Variants in H2AZ2 observed in about 807,000 individuals in gnomAD.
The protein encoded by H2AZ2 is histone H2A.V.
Under a neutral mutation model 15.5 loss-of-function variants are expected in H2AZ2, and 5 were observed. The ratio of observed to expected loss-of-function variants is 0.32; its 90% confidence interval spans 0.17 to 0.68. The LOEUF (loss-of-function observed/expected upper bound fraction) is 0.68, where lower values mean the gene tolerates loss of function less well. Ranked by LOEUF, H2AZ2 falls within the 30% of genes least tolerant of loss-of-function variation. The pLI, the probability that H2AZ2 is intolerant of heterozygous loss-of-function variation, is 0.72. For synonymous variants in H2AZ2, 44 were observed against 57.4 expected, an observed-to-expected ratio of 0.77 and a Z score of 1.05; for missense variants, 42 against 162.5, an observed-to-expected ratio of 0.26 and a Z score of 4.03.
In H2AZ2 at chr7:44,832,592, A is replaced by G. The variant is rs1318406080; in HGVS notation, c.*1909T>C. 6.6e-6 allele frequency among the ~76,000 whole-genome samples: 1 copy of G among 152,190 alleles called. No individual in the cohort carries two copies. Among genetic ancestry groups the G allele is most frequent in the East Asian group, 1.9e-4 (1 of 5,202 alleles). On this transcript the variant is annotated 3_prime_UTR_variant, in exon 5 of 5. Coordinates refer to ENST00000308153, the MANE Select transcript of H2AZ2 (RefSeq NM_012412.5). The stretch of plus-strand genomic sequence containing the variant: ...ATTTTAAAATTTCCTTCTTTAATGA[A>G]GACTTGCAAGCAGAAAAATATAATT...
At chr7:44,847,491 A>G (rs528110190) in intron 1 of H2AZ2, among the ~76,000 whole-genome samples, 38 of 152,346 alleles carry the variant, frequency 2.5e-4, no homozygotes, top group Non-Finnish European at 5.3e-4. Flanking sequence ...TTTGTCGCTC[A>G]AAAGACCACA....
chr7:44,830,260 T>G, downstream of H2AZ2: 1 of 1,193,264 alleles, frequency 8.4e-7, no homozygotes, highest in Non-Finnish European at 1.2e-6. Context: ...AAAATACAAG[T>G]AAAATGTTAA....
intron 3 of H2AZ2, among the ~76,000 whole-genome samples, chr7:44,836,813 G>A (rs550131910): frequency 9.9e-5 from 15 of 151,918 alleles, no homozygotes; most frequent in Middle Eastern, 3.4e-3. Flanking sequence ...TGGCTAACAC[G>A]GTGAAACCCT....
At chr7:44,846,062 C>CACACACACACACACAGAGAGAG (rs57468916) in intron 1 of H2AZ2, among the ~76,000 whole-genome samples, 26 of 75,146 alleles carry the variant, frequency 3.5e-4, no homozygotes, top group Admixed American at 2.8e-3. Flanking sequence ...CACACACACA[C>CACACACACACACACAGAGAGAG]AGAGAGAGAC....
downstream of H2AZ2, among the ~76,000 whole-genome samples, chr7:44,831,914 A>G (rs1341645396): frequency 6.6e-6 from 1 of 152,220 alleles, no homozygotes; most frequent in Non-Finnish European, 1.5e-5. Context: ...ATGATGTGAT[A>G]CAACATGGAG....
chr7:44,835,516 T>C lies in H2AZ2; in HGVS notation c.325+13A>G. On this transcript the variant is annotated intron_variant, in intron 4 of 4. Coordinates refer to ENST00000308153, the MANE Select transcript of H2AZ2 (RefSeq NM_012412.5). ...AGACCAATAAGAATCAAGGCTTAAG[T>C]AGTAATACATACCACCCCCAGCTAT... The C allele has an allele frequency of 6.2e-7, 1 of 1,612,138 alleles. No individual in the cohort carries two copies. The highest frequency in any genetic ancestry group is 8.5e-7 in the Non-Finnish European group (1 of 1,178,796).
At chr7:44,843,828 G>T (rs944221291) in intron 1 of H2AZ2, among the ~76,000 whole-genome samples, 2 of 152,130 alleles carry the variant, frequency 1.3e-5, no homozygotes, top group African/African-American at 2.4e-5. Flanking sequence ...AAAGTGCTGG[G>T]ATTACAGGCA....
At chr7:44,843,433 T>C in intron 1 of H2AZ2, 79 bp from the exon 2 acceptor site, 1 of 1,004,708 alleles carries the variant, frequency 1.0e-6, no homozygotes, top group Non-Finnish European at 1.5e-6. Context: ...CAGAATTTTT[T>C]CTAGTTTTAC....
At chr7:44,839,351 T>C (rs1362095293) in intron 3 of H2AZ2, among the ~76,000 whole-genome samples, 4 of 152,084 alleles carry the variant, frequency 2.6e-5, no homozygotes, top group Non-Finnish European at 5.9e-5. Context: ...GAAACCAGCC[T>C]GGGTAACATA....
At chr7:44,841,034 G>T (rs1243385720) in intron 2 of H2AZ2, 22 bp from the exon 3 acceptor site, 3 of 1,532,230 alleles carry the variant, frequency 2.0e-6, no homozygotes, top group Non-Finnish European at 2.7e-6. Flanking sequence ...ATGTCTTAGT[G>T]GGAAGCACTG....
At chr7:44,845,198 A>T (rs910777683) in intron 1 of H2AZ2, among the ~76,000 whole-genome samples, 1 of 152,138 alleles carries the variant, frequency 6.6e-6, no homozygotes, top group Non-Finnish European at 1.5e-5. Flanking sequence ...CCAAGATAAT[A>T]TGGAAGAAAA....
At chr7:44,846,330 A>G (rs886886523) in intron 1 of H2AZ2, among the ~76,000 whole-genome samples, 1 of 152,210 alleles carries the variant, frequency 6.6e-6, no homozygotes, top group Non-Finnish European at 1.5e-5. Flanking sequence ...CTGAAAAACT[A>G]GAATTGGCCG....
intron 2 of H2AZ2, among the ~76,000 whole-genome samples, chr7:44,841,723 C>T (rs1793280318): frequency 6.6e-6 from 1 of 152,206 alleles, no homozygotes; most frequent in South Asian, 2.1e-4. Context: ...TCCACCTTAG[C>T]CTCCCAAAGT....
At chr7:44,831,380 A>C (rs1792996763), downstream of H2AZ2, among the ~76,000 whole-genome samples, 1 of 152,156 alleles carries the variant, frequency 6.6e-6, no homozygotes, top group Non-Finnish European at 1.5e-5. Context: ...AAACAAATTG[A>C]AAATACAACC....
chr7:44,838,572 G>C (rs371584147), intron 3 of H2AZ2, among the ~76,000 whole-genome samples: 1 of 152,102 alleles, frequency 6.6e-6, no homozygotes, highest in Admixed American at 6.5e-5. Flanking sequence ...AGAATTACTG[G>C]AACCCAGAAG....
intron 2 of H2AZ2, among the ~76,000 whole-genome samples, chr7:44,842,967 C>T (rs974347937): frequency 6.6e-6 from 1 of 151,346 alleles, no homozygotes; most frequent in Non-Finnish European, 1.5e-5. Context: ...GGTGAAATCC[C>T]GTCTCTACTA....
intron 1 of H2AZ2, among the ~76,000 whole-genome samples, chr7:44,846,024 TACACACACACACACAC>T (rs10573522): frequency 4.5e-4 from 60 of 132,850 alleles, no homozygotes; most frequent in African/African-American, 1.5e-3. Context: ...TTTAAAAAAT[TACACACACACACACAC>T]ACACACACAC....
At chr7:44,839,440 G>A (rs1793214776) in intron 3 of H2AZ2, among the ~76,000 whole-genome samples, 1 of 152,044 alleles carries the variant, frequency 6.6e-6, no homozygotes, top group South Asian at 2.1e-4. Context: ...ACTTTGGGAG[G>A]TGGAGGTGGG....
intron 1 of H2AZ2, among the ~76,000 whole-genome samples, chr7:44,843,965 ATCAATG>A (rs1199996957): frequency 6.6e-6 from 1 of 152,146 alleles, no homozygotes; most frequent in Admixed American, 6.6e-5. Flanking sequence ...CACAATTTTT[ATCAATG>A]TCAATGTAAC....
Sources: gnomAD v4.1 joint callset for allele counts (sites outside exome capture counted in the v4.1 genomes callset) on GRCh38, gnomAD v4.1.1 for gene constraint, MANE v1.5 for transcripts, NCBI Gene and HGNC (gene_info 2026-07-23, HGNC 2026-07-21) for gene names.